Variants in PVT1 observed in about 807,000 individuals in gnomAD.
PVT1 encodes the protein Pvt1 oncogene.
At chr8:127,816,869 G>A (rs1586391706) in intron 2 of PVT1, among the ~76,000 whole-genome samples, 2 of 152,130 alleles carry the variant, frequency 1.3e-5, no homozygotes, top group East Asian at 1.9e-4. Context: ...TTCCTTTGCC[G>A]CTCTGCATCA....
chr8:127,880,669 C>T (rs888059920), intron 2 of PVT1, among the ~76,000 whole-genome samples: 1 of 146,314 alleles, frequency 6.8e-6, no homozygotes, highest in Admixed American at 7.0e-5. Context: ...GGCATGATCA[C>T]TGCTCATTGC....
At chr8:127,969,892 G>A (rs886475638) in intron 3 of PVT1, among the ~76,000 whole-genome samples, 7 of 152,226 alleles carry the variant, frequency 4.6e-5, no homozygotes, top group Non-Finnish European at 1.0e-4. Flanking sequence ...AAGCTTGTCT[G>A]CAGAGGACAG....
intron 4 of PVT1, among the ~76,000 whole-genome samples, chr8:128,053,422 ATACC>A (rs1714727934): frequency 6.7e-6 from 1 of 149,334 alleles, no homozygotes; most frequent in Non-Finnish European, 1.5e-5. Context: ...TGTATATATA[ATACC>A]TATATATGTG....
rs548156258 is a variant in PVT1 at position 127,898,854 on chromosome 8, C to T, written n.782+7856C>T. ...GTCTTTCCCTCTCATCTGTCTGTCA[C>T]CCTTTATCACTCCACAAGGGGTGGG... On this transcript the variant is annotated intron_variant and non_coding_transcript_variant, in intron 3 of 10. Transcript: ENST00000651587. The surrounding 1 kb of genome is among the most constrained non-coding windows in gnomAD (Gnocchi z 4.4). Among the ~76,000 whole-genome samples, 1 of 152,302 alleles carries T rather than the reference C, an allele frequency of 6.6e-6. No individual in the cohort carries two copies. Among genetic ancestry groups the T allele is most frequent in the Non-Finnish European group, 1.5e-5 (1 of 68,030 alleles).
At chr8:128,038,621 T>G (rs1586492505) in intron 4 of PVT1, among the ~76,000 whole-genome samples, 1 of 152,316 alleles carries the variant, frequency 6.6e-6, no homozygotes, top group Non-Finnish European at 1.5e-5. Context: ...TTGGCCTGTT[T>G]AGGATCATTT....
At chr8:128,026,871 C>T (rs1392745026) in intron 4 of PVT1, among the ~76,000 whole-genome samples, 2 of 152,154 alleles carry the variant, frequency 1.3e-5, no homozygotes, top group East Asian at 1.9e-4. Flanking sequence ...ACGTGACCGG[C>T]CTCATTCCAT....
intron 4 of PVT1, among the ~76,000 whole-genome samples, chr8:127,995,589 C>G (rs1817095494): frequency 6.6e-6 from 1 of 152,156 alleles, no homozygotes; most frequent in African/African-American, 2.4e-5. Flanking sequence ...TTAAGCACCG[C>G]TAATAAAGTA....
intron 3 of PVT1, among the ~76,000 whole-genome samples, chr8:127,977,506 G>A (rs1325169446): frequency 6.6e-6 from 1 of 152,200 alleles, no homozygotes; most frequent in African/African-American, 2.4e-5. Flanking sequence ...GCTGAGGTGG[G>A]CGGATCACTT....
intron 2 of PVT1, among the ~76,000 whole-genome samples, chr8:127,881,447 T>TTAG (rs1202011068): frequency 1.4e-5 from 2 of 147,340 alleles, no homozygotes; most frequent in African/African-American, 4.9e-5. Flanking sequence ...ATTATTATTA[T>TTAG]TATTATTATT....
chr8:127,938,307 C>T (rs971329684), intron 3 of PVT1, among the ~76,000 whole-genome samples: 2 of 152,172 alleles, frequency 1.3e-5, no homozygotes, highest in African/African-American at 2.4e-5. Context: ...GGCTTCAGGC[C>T]TCCGAGGAAG....
intron 4 of PVT1, among the ~76,000 whole-genome samples, chr8:128,043,706 C>T (rs1375795534): frequency 2.0e-5 from 3 of 150,104 alleles, no homozygotes; most frequent in South Asian, 4.2e-4. Context: ...TTTGTGTGTC[C>T]GTATGTGTGT....
At chr8:128,038,613 G>C (rs1196018969) in intron 4 of PVT1, among the ~76,000 whole-genome samples, 1 of 152,092 alleles carries the variant, frequency 6.6e-6, no homozygotes, top group Non-Finnish European at 1.5e-5. Flanking sequence ...GTCTTCACTT[G>C]GCCTGTTTAG....
intron 3 of PVT1, among the ~76,000 whole-genome samples, chr8:127,903,247 C>T (rs990313872): frequency 2.0e-5 from 3 of 152,238 alleles, no homozygotes; most frequent in South Asian, 2.1e-4. Context: ...GAGCAGTGTC[C>T]GTCCTTGTGC....
intron 4 of PVT1, among the ~76,000 whole-genome samples, chr8:128,058,313 C>T (rs13248311): frequency 3.3e-5 from 5 of 151,728 alleles, no homozygotes. Context: ...ACAGTACATA[C>T]CTCTTCCAGA....
intron 3 of PVT1, among the ~76,000 whole-genome samples, chr8:127,908,518 T>C (rs1195270439): frequency 6.6e-6 from 1 of 152,066 alleles, no homozygotes; most frequent in East Asian, 1.9e-4. Flanking sequence ...ATTTTTGTAT[T>C]TTTAGTAAAG....
chr8:127,895,284 A>C (rs1219084700), intron 3 of PVT1, among the ~76,000 whole-genome samples: 1 of 152,162 alleles, frequency 6.6e-6, no homozygotes, highest in African/African-American at 2.4e-5. Flanking sequence ...CAGCCTAACC[A>C]ACATAGCGAA....
chr8:127,821,901 G>T (rs1022408938), intron 2 of PVT1, among the ~76,000 whole-genome samples: 1 of 152,182 alleles, frequency 6.6e-6, no homozygotes, highest in Non-Finnish European at 1.5e-5. Context: ...GACACAAACG[G>T]TGGACTTTAG....
chr8:127,862,429 A>G (rs1815238531), intron 2 of PVT1, among the ~76,000 whole-genome samples: 1 of 152,072 alleles, frequency 6.6e-6, no homozygotes, highest in Admixed American at 6.6e-5. Flanking sequence ...ATTAACTTTT[A>G]ATTTTTATTT....
intron 5 of PVT1, among the ~76,000 whole-genome samples, chr8:128,081,128 TG>T (rs1162333911): frequency 2.6e-5 from 4 of 152,202 alleles, no homozygotes; most frequent in Non-Finnish European, 5.9e-5. Context: ...TAGGAAGTGT[TG>T]GAGTTGAGTA....
Sources: allele counts gnomAD v4.1 joint callset (sites outside exome capture counted in the v4.1 genomes callset), GRCh38; gene constraint gnomAD v4.1.1; non-coding constraint Gnocchi (gnomAD v3.1); transcripts MANE v1.5; gene names NCBI Gene and HGNC (gene_info 2026-07-23, HGNC 2026-07-21).